Variants in ADAMTS12 observed in about 807,000 individuals in gnomAD.
ADAMTS12 encodes ADAM metallopeptidase with thrombospondin type 1 motif 12, also known as A disintegrin and metalloproteinase with thrombospondin motifs 12.
A neutral mutation model predicts 167.8 loss-of-function variants in ADAMTS12; 118 were observed. The ratio of observed to expected loss-of-function variants is 0.70; its 90% CI spans 0.61 to 0.82. ADAMTS12 has a LOEUF of 0.82. ADAMTS12 is among the 40% of genes least tolerant of loss of function. The pLI is 0.00. For synonymous variants in ADAMTS12, 704 were observed against 716.9 expected (o/e 0.98, Z 0.29); for missense variants, 1,916 against 1,998.8 (o/e 0.96, Z 0.79).
chr5:33,635,278 G>A lies in ADAMTS12; in HGVS notation c.1888+2299C>T, dbSNP rs553307777. On this transcript the variant is annotated intron_variant, in intron 12 of 23. Coordinates refer to ENST00000504830, the MANE Select transcript of ADAMTS12 (RefSeq NM_030955.4). ...AAGGGTTGTTGGGTTTTCTAGCAGA[G>A]CTCCTGGCTTACGAAATAATCGAAG... Among the ~76,000 whole-genome samples, 644 of 152,280 alleles carry A rather than the reference G, an allele frequency of 4.2e-3. 3 individuals carry two copies. The highest frequency in any genetic ancestry group is 0.01 in the Middle Eastern group (3 of 294).
intron 5 of ADAMTS12, among the ~76,000 whole-genome samples, chr5:33,663,373 T>TA (rs1013499921): frequency 9.3e-5 from 14 of 150,774 alleles, no homozygotes; most frequent in Middle Eastern, 3.4e-3. Flanking sequence ...CCACCCATCA[T>TA]AAAAAACTGG....
intron 1 of ADAMTS12, among the ~76,000 whole-genome samples, chr5:33,886,357 T>C (rs556657048): frequency 8.1e-4 from 124 of 152,350 alleles, no homozygotes; most frequent in Middle Eastern, 6.8e-3. Flanking sequence ...CCTCCTTCAA[T>C]ACTCACAACA....
At chr5:33,651,739 T>C (rs780256049) in intron 7 of ADAMTS12, among the ~76,000 whole-genome samples, 31 of 152,172 alleles carry the variant, frequency 2.0e-4, no homozygotes, top group Non-Finnish European at 3.2e-4. Context: ...AGTGTACCTA[T>C]CACCCAAATG....
intron 11 of ADAMTS12, among the ~76,000 whole-genome samples, chr5:33,640,534 G>A (rs1178033269): frequency 6.6e-6 from 1 of 152,102 alleles, no homozygotes; most frequent in African/African-American, 2.4e-5. Flanking sequence ...GGAAACAAAC[G>A]ATTAAATGAC....
intron 2 of ADAMTS12, among the ~76,000 whole-genome samples, chr5:33,801,805 G>A (rs1406793581): frequency 1.3e-5 from 2 of 152,132 alleles, no homozygotes; most frequent in Non-Finnish European, 2.9e-5. Flanking sequence ...TGACTGCTGG[G>A]GTGTTTCCCA....
intron 17 of ADAMTS12, among the ~76,000 whole-genome samples, chr5:33,589,030 A>C (rs186038823): frequency 4.6e-5 from 7 of 152,316 alleles, no homozygotes; most frequent in African/African-American, 1.7e-4. Flanking sequence ...CTAAATACGC[A>C]TGTTTTTGAA....
intron 3 of ADAMTS12, among the ~76,000 whole-genome samples, chr5:33,720,875 ATG>A (rs1221729863): frequency 2.0e-5 from 3 of 152,134 alleles, no homozygotes; most frequent in Non-Finnish European, 4.4e-5. Flanking sequence ...TGTATGTGTG[ATG>A]TGTGTGTATT....
At chr5:33,663,584 T>C (rs1198538680) in intron 5 of ADAMTS12, among the ~76,000 whole-genome samples, 1 of 152,190 alleles carries the variant, frequency 6.6e-6, no homozygotes, top group Non-Finnish European at 1.5e-5. Flanking sequence ...ATTTTTATTG[T>C]ATAATAAGGG....
At chr5:33,578,209 T>C (rs1332243506) in intron 18 of ADAMTS12, among the ~76,000 whole-genome samples, 4 of 152,132 alleles carry the variant, frequency 2.6e-5, no homozygotes, top group Non-Finnish European at 4.4e-5. Flanking sequence ...TCAAAGCACA[T>C]TTCTTAAGGA....
intron 17 of ADAMTS12, among the ~76,000 whole-genome samples, chr5:33,592,204 G>A (rs1271742925): frequency 1.3e-5 from 2 of 151,810 alleles, no homozygotes; most frequent in Non-Finnish European, 1.5e-5. Context: ...ACTCCAGCCC[G>A]GGCAACAAGA....
chr5:33,624,454 C>A (rs1739484029), intron 13 of ADAMTS12, 103 bp from the exon 14 acceptor site: 8 of 1,476,638 alleles, frequency 5.4e-6, no homozygotes, highest in Non-Finnish European at 7.3e-6. Flanking sequence ...TAAGACTGGG[C>A]AGGAGGTACC....
intron 3 of ADAMTS12, among the ~76,000 whole-genome samples, chr5:33,750,248 T>C (rs1423481): frequency 0.69 from 105,317 of 152,158 alleles, 37,030 homozygotes; most frequent in Non-Finnish European, 0.75. Context: ...AATAAAGCTG[T>C]AGTAGCTTAC....
chr5:33,649,583 G>A lies in ADAMTS12; in HGVS notation c.1305C>T (p.Cys435=), dbSNP rs1377252458. The A allele has an allele frequency of 6.2e-7, 1 of 1,613,962 alleles. No homozygotes were observed. The highest frequency in any genetic ancestry group is 1.7e-5 in the Admixed American group (1 of 60,018). Reference sequence around the variant, plus strand: ...AGAAGCGGGTGATGTACTCCTCGCTGCACTTGGACCATGTCAGCGGAGTGG... The same window carrying A: ...AGAAGCGGGTGATGTACTCCTCGCTACACTTGGACCATGTCAGCGGAGTGG... ...YDPTPLTWSK[C]SEEYITRFLD... is the part of the protein sequence containing the mutation. The change falls in exon 8 of 24, where the codon TGC becomes TGT. Residue 435 remains cysteine, a synonymous_variant. Transcript: ENST00000504830.
intron 20 of ADAMTS12, among the ~76,000 whole-genome samples, chr5:33,552,883 G>A (rs1389830333): frequency 6.6e-6 from 1 of 152,130 alleles, no homozygotes; most frequent in East Asian, 1.9e-4. Context: ...AAGAGCTCCT[G>A]TACAGCAAAA....
chr5:33,712,415 G>A (rs1006541341), intron 3 of ADAMTS12, among the ~76,000 whole-genome samples: 2 of 152,088 alleles, frequency 1.3e-5, no homozygotes, highest in African/African-American at 4.8e-5. Flanking sequence ...ACTTGGGCAG[G>A]GAGAAGAACT....
At chr5:33,665,049 T>C (rs1327729013) in intron 5 of ADAMTS12, among the ~76,000 whole-genome samples, 1 of 151,736 alleles carries the variant, frequency 6.6e-6, no homozygotes, top group Non-Finnish European at 1.5e-5. Context: ...AGGAAAGAAA[T>C]ATATATATAT....
intron 7 of ADAMTS12, among the ~76,000 whole-genome samples, chr5:33,649,954 T>C (rs1740815584): frequency 6.6e-6 from 1 of 152,216 alleles, no homozygotes; most frequent in Non-Finnish European, 1.5e-5. Context: ...AACTTCTGCT[T>C]GGCAGAAGGC....
chr5:33,678,931 T>G (rs375771893), intron 5 of ADAMTS12, among the ~76,000 whole-genome samples: 62 of 152,268 alleles, frequency 4.1e-4, no homozygotes, highest in African/African-American at 1.4e-3. Context: ...GATGGTCAGA[T>G]AAATGGTCAG....
intron 3 of ADAMTS12, among the ~76,000 whole-genome samples, chr5:33,749,414 G>C (rs1744898714): frequency 6.6e-6 from 1 of 151,886 alleles, no homozygotes; most frequent in Non-Finnish European, 1.5e-5. Flanking sequence ...TATCTCTTTG[G>C]TGAAAGAAGG....
Sources: allele counts gnomAD v4.1 joint callset (sites outside exome capture counted in the v4.1 genomes callset), GRCh38; gene constraint gnomAD v4.1.1; transcripts MANE v1.5; gene names NCBI Gene and HGNC (gene_info 2026-07-23, HGNC 2026-07-21).